Variants in HPSE2 observed in about 807,000 individuals in gnomAD.
HPSE2 encodes inactive heparanase-2.
A neutral mutation model predicts 60.5 loss-of-function variants in HPSE2; 38 were observed. The observed-to-expected ratio is 0.63, with a 90% CI of 0.48 to 0.82. The LOEUF is 0.82. Ranked by LOEUF, HPSE2 falls within the 40% of genes least tolerant of loss-of-function variation. HPSE2 has a pLI of 0.00. For missense variants in HPSE2, 713 were observed against 740.4 expected, an observed-to-expected ratio of 0.96 and a Z score of 0.43; for synonymous variants, 295 against 293.2, an observed-to-expected ratio of 1.01 and a Z score of -0.06.
At chr10:98,605,328 C>T (rs1945547102) in intron 9 of HPSE2, among the ~76,000 whole-genome samples, 1 of 152,142 alleles carries the variant, frequency 6.6e-6, no homozygotes. Context: ...AGGCTTTATG[C>T]CACCCAACAC....
At chr10:98,840,225 G>A (rs1951878522) in intron 3 of HPSE2, among the ~76,000 whole-genome samples, 1 of 152,170 alleles carries the variant, frequency 6.6e-6, no homozygotes, top group Non-Finnish European at 1.5e-5. Context: ...TAATAGTTCA[G>A]CTGGGCGGGA....
intron 3 of HPSE2, among the ~76,000 whole-genome samples, chr10:99,114,674 G>C (rs978583207): frequency 8.5e-5 from 13 of 152,086 alleles, no homozygotes; most frequent in African/African-American, 2.9e-4. Context: ...CAGCACTTTG[G>C]GGGGCTGAGA....
intron 6 of HPSE2, among the ~76,000 whole-genome samples, chr10:98,681,566 C>A (rs1433658096): frequency 6.6e-6 from 1 of 152,160 alleles, no homozygotes; most frequent in Non-Finnish European, 1.5e-5. Context: ...TTTTAAGAAA[C>A]TATCACTTGT....
intron 3 of HPSE2, among the ~76,000 whole-genome samples, chr10:99,070,762 G>A (rs914564133): frequency 3.9e-5 from 6 of 152,114 alleles, no homozygotes; most frequent in South Asian, 2.1e-4. Context: ...TACAGTATTC[G>A]TCTTTCTGTG....
intron 9 of HPSE2, among the ~76,000 whole-genome samples, chr10:98,581,821 C>G (rs936196158): frequency 2.0e-5 from 3 of 152,230 alleles, no homozygotes; most frequent in African/African-American, 7.2e-5. Context: ...AACTTCTAAA[C>G]AACCCCTGTG....
At chr10:98,940,922 G>T (rs1174895910) in intron 3 of HPSE2, among the ~76,000 whole-genome samples, 1 of 129,804 alleles carries the variant, frequency 7.7e-6, no homozygotes, top group African/African-American at 3.5e-5. Flanking sequence ...TGCAAGGCTG[G>T]TTCAATATAC....
At chr10:99,282,903 G>C in the HPSE2 span, among the ~76,000 whole-genome samples, 18 of 152,230 alleles carry the variant, frequency 1.2e-4, no homozygotes, top group African/African-American at 4.1e-4. Context: ...AAAAAGAAGG[G>C]GCTGAGCGTG....
chr10:99,132,725 G>A (rs1156761954), intron 3 of HPSE2, among the ~76,000 whole-genome samples: 4 of 152,118 alleles, frequency 2.6e-5, no homozygotes, highest in Admixed American at 6.5e-5. Context: ...TTTGTCCCAC[G>A]GTTTTCAACA....
intron 3 of HPSE2, among the ~76,000 whole-genome samples, chr10:98,775,343 C>A (rs780187623): frequency 1.3e-5 from 2 of 152,124 alleles, no homozygotes; most frequent in Non-Finnish European, 2.9e-5. Context: ...GGTCTGGAAC[C>A]CCATCTTAAC....
intron 3 of HPSE2, among the ~76,000 whole-genome samples, chr10:99,097,358 T>C (rs1174299308): frequency 6.6e-6 from 1 of 152,222 alleles, no homozygotes; most frequent in African/African-American, 2.4e-5. Flanking sequence ...AAGCCTCTTT[T>C]ACATCTTAAG....
chr10:98,888,401 AATAATT>A (rs1472650465), intron 3 of HPSE2, among the ~76,000 whole-genome samples: 1 of 152,170 alleles, frequency 6.6e-6, no homozygotes, highest in Non-Finnish European at 1.5e-5. Flanking sequence ...TTAAAAACAT[AATAATT>A]ATAATTGACT....
the HPSE2 span, among the ~76,000 whole-genome samples, chr10:99,313,655 AGTG>A: frequency 7.8e-6 from 1 of 128,112 alleles, no homozygotes; most frequent in Admixed American, 1.0e-4. Context: ...GCCGGAATAC[AGTG>A]GTGCAATCTC....
At chr10:99,129,171 G>A (rs1845283283) in intron 3 of HPSE2, among the ~76,000 whole-genome samples, 1 of 152,026 alleles carries the variant, frequency 6.6e-6, no homozygotes, top group African/African-American at 2.4e-5. Context: ...GAGATACACA[G>A]CAACACAATA....
chr10:98,776,652 C>T (rs571400102), intron 3 of HPSE2, among the ~76,000 whole-genome samples: 16 of 152,034 alleles, frequency 1.1e-4, no homozygotes, highest in Middle Eastern at 3.4e-3. Flanking sequence ...ATTAGGGAAA[C>T]GAGTCTAGAT....
chr10:99,195,207 G>T (rs1848352323), intron 2 of HPSE2, among the ~76,000 whole-genome samples: 1 of 151,976 alleles, frequency 6.6e-6, no homozygotes, highest in South Asian at 2.1e-4. Context: ...CAAATAACTA[G>T]GTATATAAGG....
intron 3 of HPSE2, among the ~76,000 whole-genome samples, chr10:99,113,556 TAATC>T (rs1324908512): frequency 6.6e-6 from 1 of 152,186 alleles, no homozygotes; most frequent in Non-Finnish European, 1.5e-5. Context: ...AATTTTAAAT[TAATC>T]AGCTGAAAAT....
intron 11 of HPSE2, among the ~76,000 whole-genome samples, chr10:98,475,894 C>A (rs967675585): frequency 1.3e-5 from 2 of 152,060 alleles, no homozygotes; most frequent in African/African-American, 2.4e-5. Flanking sequence ...ACTAGTTCAA[C>A]CATTGTGGAA....
At chr10:98,952,916 C>T (rs1955406051) in intron 3 of HPSE2, among the ~76,000 whole-genome samples, 1 of 152,046 alleles carries the variant, frequency 6.6e-6, no homozygotes, top group South Asian at 2.1e-4. Context: ...AAATATAGTC[C>T]ACATTGGGAG....
chr10:98,770,623 A>G (rs556014464), intron 3 of HPSE2, among the ~76,000 whole-genome samples: 20 of 152,200 alleles, frequency 1.3e-4, no homozygotes, highest in African/African-American at 4.8e-4. Flanking sequence ...GAAATGCCCT[A>G]GTCTAAGATG....
Sources: allele counts gnomAD v4.1 joint callset (sites outside exome capture counted in the v4.1 genomes callset), GRCh38; gene constraint gnomAD v4.1.1; transcripts MANE v1.5; gene names NCBI Gene and HGNC (gene_info 2026-07-23, HGNC 2026-07-21).